CA12: variants seen among roughly 807,000 people sequenced by gnomAD.
CA12 encodes carbonic anhydrase 12.
A neutral mutation model predicts 46.8 loss-of-function variants in CA12; 36 were observed. The ratio of observed to expected loss-of-function variants is 0.77; its 90% CI spans 0.59 to 1.02. The LOEUF (loss-of-function observed/expected upper bound fraction) is 1.02. Ranked by LOEUF, CA12 falls within the 50% of genes least tolerant of loss-of-function variation. CA12 has a pLI of 0.00. For missense variants in CA12, 436 were observed against 451.4 expected (o/e 0.97, Z 0.31); for synonymous variants, 202 against 187.0 (o/e 1.08, Z -0.65).
rs546782011 is a variant in CA12 at position 63,323,858 on chromosome 15, A to G, written c.*2427T>C. The G allele has an allele frequency of 1.1e-4, 16 of 152,370 alleles. No individual in the cohort carries two copies. Among genetic ancestry groups the G allele is most frequent in the African/African-American group, 3.8e-4 (16 of 41,594 alleles). The allele number at this position is 152,370 out of a possible 1,614,324, so 9.4% of individuals were successfully genotyped here. The stretch of plus-strand genomic sequence containing the variant: ...TGATACTAACTAAACAAACAGAACA[A>G]AGAAAGAGATTCAAGATCTCACATG... On this transcript the variant is annotated 3_prime_UTR_variant, in exon 11 of 11. Coordinates refer to ENST00000178638, the MANE Select transcript of CA12 (RefSeq NM_001218.5). This position sits in a 1 kb window ranked among gnomAD's most constrained non-coding sequence, Gnocchi z 5.1.
intron 2 of CA12, among the ~76,000 whole-genome samples, chr15:63,359,129 A>G (rs1012069925): frequency 6.6e-6 from 1 of 151,864 alleles, no homozygotes; most frequent in Non-Finnish European, 1.5e-5. Context: ...TGGCTTCAAC[A>G]CCAGCTCTGC....
intron 1 of CA12, among the ~76,000 whole-genome samples, chr15:63,380,157 C>T (rs543399091): frequency 6.6e-6 from 1 of 152,170 alleles, no homozygotes; most frequent in Non-Finnish European, 1.5e-5. Flanking sequence ...TGTGCTCTAC[C>T]CAGGGGTAGG....
intron 1 of CA12, among the ~76,000 whole-genome samples, chr15:63,381,204 G>A (rs2039640643): frequency 6.6e-6 from 1 of 152,158 alleles, no homozygotes; most frequent in African/African-American, 2.4e-5. Context: ...CCAAAGAAAA[G>A]CGCCTACCAC....
Position 63,340,080 on chromosome 15 carries a change from G to A in CA12, c.747+208C>T. On this transcript the variant is annotated intron_variant, in intron 7 of 10. Coordinates refer to ENST00000178638, the MANE Select transcript of CA12 (RefSeq NM_001218.5). The surrounding 1 kb of genome is among the most constrained non-coding windows in gnomAD (Gnocchi z 4.4). ...GCTCTTTTTTTTAAAAAAGAACTAG[G>A]AGACATCTATTCATTTGCCTAGCTT... 1.6e-6 allele frequency: 1 copy of A among 625,222 alleles called. No homozygotes were observed. Among genetic ancestry groups the A allele is most frequent in the Non-Finnish European group, 2.8e-6 (1 of 353,084 alleles). The allele number at this position is 625,222 out of a possible 1,614,324, so 38.7% of individuals were successfully genotyped here.
chr15:63,368,856 A>G (rs2039467636), intron 2 of CA12, among the ~76,000 whole-genome samples: 1 of 151,736 alleles, frequency 6.6e-6, no homozygotes, highest in Non-Finnish European at 1.5e-5. Flanking sequence ...TGTCAATCCC[A>G]AATAGCTCAG....
At chr15:63,347,323 T>C (rs1394007539) in intron 2 of CA12, among the ~76,000 whole-genome samples, 3 of 152,346 alleles carry the variant, frequency 2.0e-5, no homozygotes, top group East Asian at 1.9e-4. Flanking sequence ...AAGTATGACC[T>C]TCCTGAAGAG....
At chr15:63,333,841 G>A (rs1339310562) in intron 8 of CA12, among the ~76,000 whole-genome samples, 1 of 152,196 alleles carries the variant, frequency 6.6e-6, no homozygotes, top group Non-Finnish European at 1.5e-5. Flanking sequence ...GTGACATGCA[G>A]TTGCTTAGAG....
At chr15:63,359,876 C>A (rs569790317) in intron 2 of CA12, among the ~76,000 whole-genome samples, 2 of 152,292 alleles carry the variant, frequency 1.3e-5, no homozygotes, top group African/African-American at 4.8e-5. Flanking sequence ...TCCAGCTCTC[C>A]ACTCTCCACA....
rs946156761 is a variant in CA12 at position 63,348,039 on chromosome 15, G to A, written c.107-1330C>T. ...CCGTATCTGAGAGTGGGAAGAATCC[G>A]AAGTGATACTTGGTACCCAGGTTCA... is the stretch of plus-strand genomic sequence containing the variant. On this transcript the variant is annotated intron_variant, in intron 2 of 10. Transcript: ENST00000178638. The surrounding 1 kb of genome is among the most constrained non-coding windows in gnomAD (Gnocchi z 4.6). 3.9e-5 allele frequency among the ~76,000 whole-genome samples: 6 copies of A among 152,180 alleles called. No homozygotes were observed. Among genetic ancestry groups the A allele is most frequent in the African/African-American group, 7.2e-5 (3 of 41,424 alleles).
intron 2 of CA12, among the ~76,000 whole-genome samples, chr15:63,347,995 G>A (rs182235215): frequency 3.9e-5 from 6 of 152,262 alleles, no homozygotes; most frequent in Admixed American, 2.6e-4. Context: ...CCCCTACATC[G>A]TGCTCTCTAA....
chr15:63,361,071 G>T (rs2039356766), intron 2 of CA12, among the ~76,000 whole-genome samples: 1 of 152,226 alleles, frequency 6.6e-6, no homozygotes, highest in South Asian at 2.1e-4. Flanking sequence ...GGCCAGGGGT[G>T]GGGGGATTCA....
chr15:63,332,704 G>A (rs1051586331), intron 8 of CA12, among the ~76,000 whole-genome samples: 7 of 152,150 alleles, frequency 4.6e-5, no homozygotes, highest in African/African-American at 1.7e-4. Context: ...TTTTAACATT[G>A]TTAGCAAATG....
chr15:63,340,771 T>A lies in CA12; in HGVS notation c.538A>T (p.Asn180Tyr), dbSNP rs2039068657. 2 of 1,614,032 alleles carry A rather than the reference T, an allele frequency of 1.2e-6. No individual in the cohort carries two copies. Among genetic ancestry groups the A allele is most frequent in the Non-Finnish European group, 1.7e-6 (2 of 1,180,014 alleles). Residue 180 changes from asparagine (N) to tyrosine (Y), a missense_variant, in exon 6 of 11, where the codon AAT becomes TAT. Physicochemically the swap from Asn to Tyr is moderately radical, Grantham distance 143 (BLOSUM62 -2). Transcript: ENST00000178638. The surrounding 1 kb of genome is among the most constrained non-coding windows in gnomAD (Gnocchi z 4.4). ...CTGAAGATCTTGTCATAGGACGGAT[T>A]GAAGGAGCCCATCTGCAACAGAGAC... is the stretch of plus-strand genomic sequence containing the variant. ...LAVLIEMGSFNPSYDKIFSHL... is the reference protein window; with the variant it reads ...LAVLIEMGSFYPSYDKIFSHL...
chr15:63,360,209 C>A (rs1452383611), intron 2 of CA12, among the ~76,000 whole-genome samples: 2 of 152,180 alleles, frequency 1.3e-5, no homozygotes, highest in East Asian at 3.8e-4. Context: ...CCCAGTTCCA[C>A]AGAATGATAT....
chr15:63,340,848 T>C lies in CA12; in HGVS notation c.526-65A>G, dbSNP rs1001156300. ...GGATAGGCTGAGCCAGGATTGACGATTGCTATCAGAAGGGCAAAGCTGTGG... is the reference window on the plus strand; with the variant it reads ...GGATAGGCTGAGCCAGGATTGACGACTGCTATCAGAAGGGCAAAGCTGTGG... On this transcript the variant is annotated intron_variant, in intron 5 of 10. Transcript: ENST00000178638. This position sits in a 1 kb window ranked among gnomAD's most constrained non-coding sequence, Gnocchi z 4.4. The C allele has an allele frequency of 2.8e-6, 4 of 1,439,312 alleles. No individual in the cohort carries two copies. Among genetic ancestry groups the C allele is most frequent in the Admixed American group, 1.7e-5 (1 of 59,306 alleles). 89.2% of individuals were successfully genotyped at this position (1,439,312 alleles called of 1,614,324 possible).
chr15:63,328,027 G>T lies in CA12; in HGVS notation c.907+71C>A. ...TAGTACAGAGAAGCAGAGAGGACGG[G>T]CTTGGATCACACCAAGAATCACAGT... On this transcript the variant is annotated intron_variant, in intron 9 of 10. Coordinates refer to ENST00000178638, the MANE Select transcript of CA12 (RefSeq NM_001218.5). This position sits in a 1 kb window ranked among gnomAD's most constrained non-coding sequence, Gnocchi z 5.9. 1 of 1,428,952 alleles carries T rather than the reference G, an allele frequency of 7.0e-7. No individual in the cohort carries two copies. Among genetic ancestry groups the T allele is most frequent in the Non-Finnish European group, 9.9e-7 (1 of 1,012,262 alleles). The allele number at this position is 1,428,952 out of a possible 1,614,324, so 88.5% of individuals were successfully genotyped here.
chr15:63,379,241 G>A (rs1056316527), intron 1 of CA12, among the ~76,000 whole-genome samples: 3 of 152,162 alleles, frequency 2.0e-5, no homozygotes, highest in African/African-American at 7.2e-5. Context: ...GTCTGGAGGG[G>A]CTCAGGAGCT....
rs1489267008 is a variant in CA12 at position 63,348,806 on chromosome 15, T to G, written c.107-2097A>C. Among the ~76,000 whole-genome samples, 1 of 152,168 alleles carries G rather than the reference T, an allele frequency of 6.6e-6. No homozygotes were observed. Among genetic ancestry groups the G allele is most frequent in the Non-Finnish European group, 1.5e-5 (1 of 68,022 alleles). On this transcript the variant is annotated intron_variant, in intron 2 of 10. Transcript: ENST00000178638. The surrounding 1 kb of genome is among the most constrained non-coding windows in gnomAD (Gnocchi z 4.6). ...TCATCTTCGTCTCTGTGAACCCATA[T>G]TATAAGTAGGGTCACGTGCCCCCAT... is the stretch of plus-strand genomic sequence containing the variant.
At chr15:63,346,827 G>A in intron 2 of CA12, 118 bp from the exon 3 acceptor site, 4 of 1,175,644 alleles carry the variant, frequency 3.4e-6, no homozygotes, top group East Asian at 2.5e-5. Context: ...ATCCCCGGAG[G>A]TAAATCTTCA....
Sources: gnomAD v4.1 joint callset for allele counts (sites outside exome capture counted in the v4.1 genomes callset) on GRCh38, gnomAD v4.1.1 for gene constraint, Gnocchi (gnomAD v3.1) non-coding constraint, MANE v1.5 for transcripts, NCBI Gene and HGNC (gene_info 2026-07-23, HGNC 2026-07-21) for gene names.